Variants in CNTN5 observed in about 807,000 individuals in gnomAD.
The protein encoded by CNTN5 is contactin 5.
CNTN5 carries 77 observed loss-of-function variants against 129.1 expected under a neutral mutation model. The observed-to-expected ratio is 0.60, with a 90% CI of 0.50 to 0.72. CNTN5 has a LOEUF of 0.72. Among genes scored for constraint, CNTN5 ranks in the 30% least tolerant of loss-of-function variants. The pLI is 0.00. For missense variants in CNTN5, 1,478 were observed against 1,328.8 expected (o/e 1.11, Z -1.75); for synonymous variants, 509 against 465.6 (o/e 1.09, Z -1.20).
chr11:100,014,650 A>G (rs1940727915), intron 9 of CNTN5, among the ~76,000 whole-genome samples: 1 of 152,082 alleles, frequency 6.6e-6, no homozygotes, highest in African/African-American at 2.4e-5. Context: ...AGCTTTGGGA[A>G]TTTCTCCAAG....
intron 3 of CNTN5, among the ~76,000 whole-genome samples, chr11:99,636,198 C>T (rs590592): frequency 0.61 from 93,162 of 151,704 alleles, 29,256 homozygotes; most frequent in Admixed American, 0.7. Context: ...GGGAATTCTA[C>T]TTTTATCTTT....
intron 15 of CNTN5, among the ~76,000 whole-genome samples, chr11:100,197,291 C>T (rs984693067): frequency 5.3e-5 from 8 of 151,884 alleles, no homozygotes; most frequent in African/African-American, 9.7e-5. Context: ...GCACTGATTT[C>T]GGAGCTATAA....
chr11:100,143,194 T>C (rs573193468), intron 13 of CNTN5, among the ~76,000 whole-genome samples: 3 of 152,328 alleles, frequency 2.0e-5, no homozygotes, highest in Non-Finnish European at 4.4e-5. Flanking sequence ...CCTAGTTTTA[T>C]GTTTTTTTTC....
At chr11:100,048,347 A>G (rs1256315233) in intron 9 of CNTN5, among the ~76,000 whole-genome samples, 7 of 152,086 alleles carry the variant, frequency 4.6e-5, no homozygotes, top group Non-Finnish European at 4.4e-5. Context: ...ATTACATCAA[A>G]AGCTTTCCTG....
At chr11:99,324,029 T>G (rs999035846) in intron 1 of CNTN5, among the ~76,000 whole-genome samples, 1 of 152,158 alleles carries the variant, frequency 6.6e-6, no homozygotes, top group Non-Finnish European at 1.5e-5. Context: ...AGACTTGATA[T>G]CAGAAATGCA....
At chr11:99,867,870 G>T (rs147058941) in intron 6 of CNTN5, among the ~76,000 whole-genome samples, 7 of 152,126 alleles carry the variant, frequency 4.6e-5, no homozygotes, top group Admixed American at 2.0e-4. Context: ...ACAGGAAATT[G>T]CCCAGGTTGT....
chr11:99,557,949 A>G (rs978796203), intron 3 of CNTN5, among the ~76,000 whole-genome samples: 5 of 151,790 alleles, frequency 3.3e-5, no homozygotes, highest in Non-Finnish European at 5.9e-5. Flanking sequence ...AAAACAAAAA[A>G]CCAAGTAATT....
chr11:99,567,432 G>A (rs1949042878), intron 3 of CNTN5, among the ~76,000 whole-genome samples: 1 of 151,824 alleles, frequency 6.6e-6, no homozygotes, highest in Non-Finnish European at 1.5e-5. Flanking sequence ...TTGGAAAGGT[G>A]ACAGTTTGTT....
chr11:99,664,271 A>T (rs1952704826), intron 3 of CNTN5, among the ~76,000 whole-genome samples: 2 of 152,240 alleles, frequency 1.3e-5, no homozygotes, highest in East Asian at 3.9e-4. Flanking sequence ...TTTACATATG[A>T]TTGTGCTGCC....
chr11:99,213,483 C>T (rs1429275490), intron 1 of CNTN5, among the ~76,000 whole-genome samples: 3 of 136,578 alleles, frequency 2.2e-5, no homozygotes, highest in Admixed American at 7.5e-5. Flanking sequence ...TATATACACA[C>T]ATATATATAT....
intron 3 of CNTN5, among the ~76,000 whole-genome samples, chr11:99,646,494 C>G (rs1241083778): frequency 1.3e-5 from 2 of 152,074 alleles, no homozygotes; most frequent in Admixed American, 6.6e-5. Context: ...TGGAAAAACT[C>G]AAGGCAGTAT....
intron 1 of CNTN5, among the ~76,000 whole-genome samples, chr11:99,035,051 T>A (rs1863639067): frequency 6.6e-6 from 1 of 150,422 alleles, no homozygotes; most frequent in Non-Finnish European, 1.5e-5. Flanking sequence ...CAGGAGCAGG[T>A]TGTTCAGTTT....
chr11:99,190,705 T>A (rs1341650425), intron 1 of CNTN5, among the ~76,000 whole-genome samples: 1 of 151,714 alleles, frequency 6.6e-6, no homozygotes, highest in African/African-American at 2.4e-5. Context: ...TGTTAGTGGA[T>A]AGAAATGATA....
intron 2 of CNTN5, among the ~76,000 whole-genome samples, chr11:99,421,588 A>C (rs1438214076): frequency 6.6e-6 from 1 of 152,198 alleles, no homozygotes; most frequent in Non-Finnish European, 1.5e-5. Context: ...GACTTATGAC[A>C]ATCTTGATGT....
At chr11:99,650,803 A>T (rs903402993) in intron 3 of CNTN5, among the ~76,000 whole-genome samples, 6 of 151,962 alleles carry the variant, frequency 3.9e-5, no homozygotes, top group Non-Finnish European at 8.8e-5. Context: ...GTACACATTT[A>T]TGGGGTACAT....
chr11:99,556,591 A>ATC (rs1398452862), intron 3 of CNTN5, among the ~76,000 whole-genome samples: 5 of 137,494 alleles, frequency 3.6e-5, no homozygotes, highest in South Asian at 4.6e-4. Context: ...ATATATATAT[A>ATC]TATCTCCCAC....
chr11:99,825,760 T>C (rs1387345437), intron 4 of CNTN5, among the ~76,000 whole-genome samples: 2 of 152,144 alleles, frequency 1.3e-5, no homozygotes, highest in African/African-American at 2.4e-5. Context: ...CTAGTTGTTA[T>C]TTCCTTTGTT....
At position 99,776,705 on chromosome 11, in the gene CNTN5, G is replaced by A. The variant is rs992264009; in HGVS notation, c.56-42839G>A. ...ATAAATATACAGCAGTGCTCTCTACGGGACAGAAGCTAATCAACTCATGTG... is the reference window on the plus strand; with the variant it reads ...ATAAATATACAGCAGTGCTCTCTACAGGACAGAAGCTAATCAACTCATGTG... On this transcript the variant is annotated intron_variant, in intron 3 of 24. Transcript: ENST00000524871. Among the ~76,000 whole-genome samples, 10 of 151,218 alleles carry A rather than the reference G, an allele frequency of 6.6e-5. 1 individual carries two copies. The East Asian group carries it at 1.6e-3, about 24-fold the overall frequency.
chr11:99,813,223 T>C (rs552409225), intron 3 of CNTN5, among the ~76,000 whole-genome samples: 22 of 152,140 alleles, frequency 1.4e-4, no homozygotes, highest in Non-Finnish European at 3.1e-4. Flanking sequence ...CGAGGGATTA[T>C]GTGTACAAGG....
Sources: gnomAD v4.1 joint callset for allele counts (sites outside exome capture counted in the v4.1 genomes callset) on GRCh38, gnomAD v4.1.1 for gene constraint, MANE v1.5 for transcripts, NCBI Gene and HGNC (gene_info 2026-07-23, HGNC 2026-07-21) for gene names.